ALDH2: variants seen among roughly 807,000 people sequenced by gnomAD.
The protein encoded by ALDH2 is aldehyde dehydrogenase 2 family member.
In ALDH2, 44 loss-of-function variants were observed where a neutral mutation model predicts 59.6. The observed-to-expected ratio is 0.74, with a 90% CI of 0.58 to 0.95. The LOEUF is 0.95. ALDH2 is among the 40% of genes least tolerant of loss of function. The pLI is 0.00. For synonymous variants in ALDH2, 291 were observed against 284.0 expected (o/e 1.02, Z -0.25); for missense variants, 570 against 696.3 (o/e 0.82, Z 2.04).
intron 1 of ALDH2, among the ~76,000 whole-genome samples, chr12:111,777,660 CG>C (rs1278619174): frequency 2.6e-5 from 4 of 152,156 alleles, no homozygotes; most frequent in Non-Finnish European, 5.9e-5. Flanking sequence ...TTCTCCTCCA[CG>C]GGCACCCCGA....
chr12:111,801,288 C>T (rs1009985440), intron 11 of ALDH2, among the ~76,000 whole-genome samples: 20 of 152,114 alleles, frequency 1.3e-4, no homozygotes, highest in Admixed American at 1.0e-3. Flanking sequence ...TCCCACAACA[C>T]GTGGGAATTG....
intron 1 of ALDH2, among the ~76,000 whole-genome samples, chr12:111,776,698 AT>A (rs879591727): frequency 0.028 from 4,116 of 145,890 alleles, 89 homozygotes; most frequent in African/African-American, 0.064. Flanking sequence ...TCAGAATAAA[AT>A]TTTTTTTTTT....
At chr12:111,778,903 G>A (rs2068252383) in intron 1 of ALDH2, among the ~76,000 whole-genome samples, 1 of 150,760 alleles carries the variant, frequency 6.6e-6, no homozygotes. Flanking sequence ...CTGTCACCCA[G>A]GCTGGAGTGC....
chr12:111,809,789 A>G lies in ALDH2; in HGVS notation c.*214A>G, dbSNP rs548292659. The G allele has an allele frequency of 1.4e-5, 8 of 583,244 alleles. No homozygotes were observed. In the East Asian group the frequency reaches 2.3e-4, roughly 17 times the overall value. 36.1% of individuals were successfully genotyped at this position (583,244 alleles called of 1,614,324 possible). On this transcript the variant is annotated 3_prime_UTR_variant, in exon 13 of 13. Transcript: ENST00000261733. Reference sequence around the variant, plus strand: ...ATGAGGAACCTTTTAAACGACAACAATACTGCTAGCTTTCAGGATGATTTT... The same window carrying G: ...ATGAGGAACCTTTTAAACGACAACAGTACTGCTAGCTTTCAGGATGATTTT...
At chr12:111,809,140 G>A (rs965613721) in intron 12 of ALDH2, among the ~76,000 whole-genome samples, 3 of 152,078 alleles carry the variant, frequency 2.0e-5, no homozygotes, top group Non-Finnish European at 4.4e-5. Context: ...GACATCATTG[G>A]CCTATAACTC....
At chr12:111,808,839 G>A (rs1566198056) in intron 12 of ALDH2, among the ~76,000 whole-genome samples, 2 of 152,114 alleles carry the variant, frequency 1.3e-5, no homozygotes, top group Non-Finnish European at 2.9e-5. Context: ...GTGGTGCAGT[G>A]CAGGTGGAGA....
intron 8 of ALDH2, 80 bp downstream of exon 8, chr12:111,792,243 C>G (rs1480830527): frequency 9.2e-7 from 1 of 1,085,958 alleles, no homozygotes; most frequent in Non-Finnish European, 1.4e-6. Context: ...ATCCTGTCGC[C>G]CCCCCAGTGC....
At chr12:111,771,504 T>C (rs188309549) in intron 1 of ALDH2, among the ~76,000 whole-genome samples, 1 of 152,344 alleles carries the variant, frequency 6.6e-6, no homozygotes, top group Admixed American at 6.5e-5. Context: ...GTTACAGTTA[T>C]AGGAGGAAAT....
intron 1 of ALDH2, among the ~76,000 whole-genome samples, chr12:111,778,471 A>G: frequency 6.8e-6 from 1 of 146,914 alleles, no homozygotes; most frequent in African/African-American, 2.5e-5. Context: ...CTTGAACCTG[A>G]AAGGCGGAGG....
rs2068543720 is a variant in ALDH2 at position 111,812,595 on chromosome 12, G to C, written c.*3020G>C. The C allele has an allele frequency of 6.6e-6, 1 of 152,136 alleles. No individual in the cohort carries two copies. Among genetic ancestry groups the C allele is most frequent in the Non-Finnish European group, 1.5e-5 (1 of 68,038 alleles). The allele number at this position is 152,136 out of a possible 1,614,324, so 9.4% of individuals were successfully genotyped here. On this transcript the variant is annotated 3_prime_UTR_variant, in exon 13 of 13. Transcript: ENST00000261733. ...GGGTGCATCATTTAAGAGTATTTTAGGCCAGGCACTGTGGCTCATGCCTGT... is the reference window on the plus strand; with the variant it reads ...GGGTGCATCATTTAAGAGTATTTTACGCCAGGCACTGTGGCTCATGCCTGT...
At chr12:111,783,382 C>A in intron 3 of ALDH2, 84 bp downstream of exon 3, 7 of 1,490,612 alleles carry the variant, frequency 4.7e-6, no homozygotes, top group Non-Finnish European at 6.3e-6. Context: ...AACCAAGCAT[C>A]CTGTGAACAG....
intron 3 of ALDH2, among the ~76,000 whole-genome samples, chr12:111,784,531 G>T (rs1416191319): frequency 6.6e-6 from 1 of 152,216 alleles, no homozygotes; most frequent in African/African-American, 2.4e-5. Context: ...TCAGGTTCTA[G>T]CCTAAAGGGC....
chr12:111,770,816 T>C (rs2068193647), intron 1 of ALDH2, among the ~76,000 whole-genome samples: 1 of 152,066 alleles, frequency 6.6e-6, no homozygotes, highest in South Asian at 2.1e-4. Flanking sequence ...GGCTAATTTT[T>C]TTGTATTCTT....
At position 111,790,418 on chromosome 12, in the gene ALDH2, C is replaced by T. The variant is rs370071768; in HGVS notation, c.553-16C>T. 5 of 1,613,980 alleles carry T rather than the reference C, an allele frequency of 3.1e-6. No homozygotes were observed. Among genetic ancestry groups the T allele is most frequent in the Non-Finnish European group, 4.2e-6 (5 of 1,180,014 alleles). ...GAGGAAGCTTGGATTTCGAGGGCTGCTGTTGTTTGTTGCAGTGGAATTTCC... is the reference window on the plus strand; with the variant it reads ...GAGGAAGCTTGGATTTCGAGGGCTGTTGTTGTTTGTTGCAGTGGAATTTCC... On this transcript the variant is annotated splice_polypyrimidine_tract_variant and intron_variant, in intron 5 of 12. Coordinates refer to ENST00000261733, the MANE Select transcript of ALDH2 (RefSeq NM_000690.4).
intron 1 of ALDH2, among the ~76,000 whole-genome samples, chr12:111,768,224 T>C (rs2068173534): frequency 6.6e-6 from 1 of 152,090 alleles, no homozygotes; most frequent in Non-Finnish European, 1.5e-5. Flanking sequence ...CCATGGTATG[T>C]TGTGACTCTG....
intron 1 of ALDH2, among the ~76,000 whole-genome samples, chr12:111,780,968 G>T (rs868617843): frequency 6.6e-6 from 1 of 152,030 alleles, no homozygotes; most frequent in African/African-American, 2.4e-5. Context: ...AATTAGCCAG[G>T]CGTAGTGGCG....
Position 111,785,126 on chromosome 12 carries a change from G to A in ALDH2, c.361-141G>A, listed in dbSNP as rs1282549793. 5.5e-6 allele frequency: 4 copies of A among 732,174 alleles called. No individual in the cohort carries two copies. In the African/African-American group the frequency reaches 6.9e-5, roughly 13 times the overall value. The allele number at this position is 732,174 out of a possible 1,614,324, so 45.4% of individuals were successfully genotyped here. On this transcript the variant is annotated intron_variant, in intron 3 of 12. Coordinates refer to ENST00000261733, the MANE Select transcript of ALDH2 (RefSeq NM_000690.4). The stretch of plus-strand genomic sequence containing the variant: ...CCATGGCAATAGTCCAGAGATGCTA[G>A]TGACATTTGGGGCACAAAGCGGACT...
intron 1 of ALDH2, among the ~76,000 whole-genome samples, chr12:111,779,464 A>AGGTGT (rs2068256193): frequency 6.6e-6 from 1 of 152,182 alleles, no homozygotes; most frequent in Non-Finnish European, 1.5e-5. Context: ...TGCTGGGACT[A>AGGTGT]CAGGTGTGAG....
At chr12:111,771,099 G>A (rs1186613643) in intron 1 of ALDH2, among the ~76,000 whole-genome samples, 2 of 152,050 alleles carry the variant, frequency 1.3e-5, no homozygotes, top group African/African-American at 4.8e-5. Context: ...AGGCAATTAA[G>A]GATGGATTTC....
Sources: gnomAD v4.1 joint callset for allele counts (sites outside exome capture counted in the v4.1 genomes callset) on GRCh38, gnomAD v4.1.1 for gene constraint, MANE v1.5 for transcripts, NCBI Gene and HGNC (gene_info 2026-07-23, HGNC 2026-07-21) for gene names.